KCTD16: variants seen among roughly 807,000 people sequenced by gnomAD.
The protein encoded by KCTD16 is potassium channel tetramerization domain containing 16.
Under a neutral mutation model 33.2 loss-of-function variants are expected in KCTD16, and 13 were observed. That is an observed-to-expected ratio of 0.39 (90% CI 0.25 to 0.62). KCTD16 has a LOEUF of 0.62. Among genes scored for constraint, KCTD16 ranks in the 20% least tolerant of loss-of-function variants. The pLI is 0.50. For synonymous variants in KCTD16, 197 were observed against 195.3 expected, an observed-to-expected ratio of 1.01 and a Z score of -0.07; for missense variants, 441 against 525.1, an observed-to-expected ratio of 0.84 and a Z score of 1.57.
chr5:144,188,500 G>A (rs1430887680), intron 2 of KCTD16, among the ~76,000 whole-genome samples: 1 of 152,186 alleles, frequency 6.6e-6, no homozygotes, highest in African/African-American at 2.4e-5. Flanking sequence ...AAAGTGGCTA[G>A]GCTGATGGTT....
At chr5:144,309,804 G>A (rs1289773347) in intron 3 of KCTD16, among the ~76,000 whole-genome samples, 2 of 151,712 alleles carry the variant, frequency 1.3e-5, no homozygotes, top group Non-Finnish European at 2.9e-5. Context: ...GAGATACAGA[G>A]ACACAGTTAC....
chr5:144,317,853 G>A (rs1373143531), intron 3 of KCTD16, among the ~76,000 whole-genome samples: 1 of 152,130 alleles, frequency 6.6e-6, no homozygotes, highest in Non-Finnish European at 1.5e-5. Context: ...TTGCAATTAC[G>A]TTTTTACCTG....
intron 3 of KCTD16, among the ~76,000 whole-genome samples, chr5:144,274,968 A>C (rs1485490997): frequency 1.3e-5 from 2 of 152,202 alleles, no homozygotes; most frequent in Non-Finnish European, 2.9e-5. Flanking sequence ...ATTTCTTTAA[A>C]GGTGGCCCTT....
chr5:144,388,061 G>T, intron 3 of KCTD16, among the ~76,000 whole-genome samples: 1 of 127,540 alleles, frequency 7.8e-6, no homozygotes, highest in South Asian at 2.4e-4. Context: ...CAATTTTAGA[G>T]CAAGTTTTTT....
At chr5:144,373,087 A>T (rs932562366) in intron 3 of KCTD16, among the ~76,000 whole-genome samples, 1 of 152,168 alleles carries the variant, frequency 6.6e-6, no homozygotes, top group Non-Finnish European at 1.5e-5. Context: ...GGATGTCAAG[A>T]GTTAAAAACA....
intron 3 of KCTD16, among the ~76,000 whole-genome samples, chr5:144,367,140 C>A (rs1252952857): frequency 6.6e-6 from 1 of 152,210 alleles, no homozygotes; most frequent in Non-Finnish European, 1.5e-5. Flanking sequence ...TGTGGCCTTG[C>A]CTCACTGGTC....
chr5:144,285,058 A>G (rs893697009), intron 3 of KCTD16, among the ~76,000 whole-genome samples: 2 of 152,190 alleles, frequency 1.3e-5, no homozygotes, highest in Non-Finnish European at 2.9e-5. Context: ...GTCCCTACAC[A>G]TCAGAGAAGT....
intron 2 of KCTD16, among the ~76,000 whole-genome samples, chr5:144,184,117 G>A (rs1307562911): frequency 6.6e-6 from 1 of 152,152 alleles, no homozygotes; most frequent in Non-Finnish European, 1.5e-5. Context: ...AAAATACCAT[G>A]TAACATAAAA....
In KCTD16 at chr5:144,280,994, G is replaced by A. The variant is rs1032001939; in HGVS notation, c.832+73448G>A. On this transcript the variant is annotated intron_variant, in intron 3 of 3. Transcript: ENST00000512467. ...GGCGTGAACCCGACAGGCGGAGGTT[G>A]CAGTGAAACCCCGTCTCTACTAAAC... is the stretch of plus-strand genomic sequence containing the variant. 3.5e-5 allele frequency among the ~76,000 whole-genome samples: 5 copies of A among 144,316 alleles called. No individual in the cohort carries two copies. In the South Asian group the frequency reaches 6.6e-4, roughly 19 times the overall value. 94.7% of individuals were successfully genotyped at this position (144,316 alleles called of 152,430 possible). A position where few individuals can be genotyped will look rare whatever the true frequency, so the allele number is the denominator to read the frequency against.
chr5:144,418,194 G>A (rs1277915806), intron 3 of KCTD16, among the ~76,000 whole-genome samples: 1 of 152,178 alleles, frequency 6.6e-6, no homozygotes, highest in African/African-American at 2.4e-5. Context: ...TAAAGGTAGT[G>A]CAGACCCAAA....
intron 3 of KCTD16, among the ~76,000 whole-genome samples, chr5:144,313,057 A>AT (rs1751808856): frequency 6.6e-6 from 1 of 152,238 alleles, no homozygotes; most frequent in Admixed American, 6.5e-5. Context: ...GAAAAAAGTT[A>AT]TTAAAAGCAT....
intron 3 of KCTD16, among the ~76,000 whole-genome samples, chr5:144,350,956 T>C (rs995351966): frequency 1.3e-5 from 2 of 152,240 alleles, no homozygotes; most frequent in South Asian, 2.1e-4. Flanking sequence ...AATCCAGGTA[T>C]GTAAAAACAC....
intron 3 of KCTD16, among the ~76,000 whole-genome samples, chr5:144,345,106 CA>C (rs1166607111): frequency 6.7e-6 from 1 of 148,678 alleles, no homozygotes; most frequent in African/African-American, 2.5e-5. Context: ...ATTGCAAGGA[CA>C]AAAAACCAAA....
intron 2 of KCTD16, among the ~76,000 whole-genome samples, chr5:144,202,491 A>G (rs1753064821): frequency 6.6e-6 from 1 of 152,200 alleles, no homozygotes; most frequent in African/African-American, 2.4e-5. Flanking sequence ...GAAGGAGTAC[A>G]GATCTGGGGA....
At chr5:144,448,812 C>T (rs1039109755) in intron 3 of KCTD16, among the ~76,000 whole-genome samples, 2 of 152,174 alleles carry the variant, frequency 1.3e-5, no homozygotes, top group Non-Finnish European at 2.9e-5. Flanking sequence ...GAAACCACTT[C>T]CTCCTAATGG....
intron 3 of KCTD16, among the ~76,000 whole-genome samples, chr5:144,408,678 T>C (rs2126951984): frequency 6.6e-6 from 1 of 152,306 alleles, no homozygotes; most frequent in East Asian, 1.9e-4. Flanking sequence ...CCAAGGCATT[T>C]AGAATAAATC....
chr5:144,288,135 A>G (rs1308634487), intron 3 of KCTD16, among the ~76,000 whole-genome samples: 1 of 152,166 alleles, frequency 6.6e-6, no homozygotes, highest in East Asian at 1.9e-4. Context: ...TTCAAAAGCC[A>G]TCCCTGGTGA....
chr5:144,410,754 TA>T (rs1752915095), intron 3 of KCTD16, among the ~76,000 whole-genome samples: 1 of 152,198 alleles, frequency 6.6e-6, no homozygotes, highest in Admixed American at 6.5e-5. Flanking sequence ...CAGATATATA[TA>T]TTTTTTGCCT....
At chr5:144,256,420 A>G (rs1219120385) in intron 3 of KCTD16, among the ~76,000 whole-genome samples, 1 of 152,164 alleles carries the variant, frequency 6.6e-6, no homozygotes, top group East Asian at 1.9e-4. Flanking sequence ...GTCTGTTGCT[A>G]AGAGAAAGAC....
Sources: allele counts gnomAD v4.1 joint callset (sites outside exome capture counted in the v4.1 genomes callset), GRCh38; gene constraint gnomAD v4.1.1; transcripts MANE v1.5; gene names NCBI Gene and HGNC (gene_info 2026-07-23, HGNC 2026-07-21).